The following FAAH2 variants were observed in gnomAD, a reference collection of about 807,000 sequenced individuals.
The protein encoded by FAAH2 is fatty-acid amide hydrolase 2.
A neutral mutation model predicts 36.9 loss-of-function variants in FAAH2; 60 were observed. The observed-to-expected ratio is 1.63, with a 90% CI of 1.32 to 2.02. The LOEUF (loss-of-function observed/expected upper bound fraction) is 2.02, where lower values mean the gene tolerates loss of function less well. FAAH2 is among the 30% of genes most tolerant of loss of function. The probability of loss-of-function intolerance (pLI) is 0.00; values close to 1 mark genes in which losing one functional copy is unlikely to be tolerated. For synonymous variants in FAAH2, 214 were observed against 143.8 expected, an observed-to-expected ratio of 1.49 and a Z score of -3.49; for missense variants, 689 against 397.5, an observed-to-expected ratio of 1.73 and a Z score of -6.23.
the FAAH2 span, among the ~76,000 whole-genome samples, chrX:57,278,153 C>T: frequency 2.1e-4 from 23 of 111,594 alleles, no homozygotes; most frequent in South Asian, 7.1e-3. Context: ...GGAGGCATCA[C>T]GCTACCTGAT....
the FAAH2 span, among the ~76,000 whole-genome samples, chrX:57,142,111 C>A: frequency 8.1e-5 from 9 of 111,667 alleles, no homozygotes; most frequent in Non-Finnish European, 1.5e-4. Flanking sequence ...TTTATTTCTG[C>A]TCTGATTTTT....
At chrX:57,458,121 T>A (rs1252514737) in intron 10 of FAAH2, among the ~76,000 whole-genome samples, 2 of 110,878 alleles carry the variant, frequency 1.8e-5, no homozygotes, top group African/African-American at 6.6e-5. Flanking sequence ...GAAACAGAAT[T>A]GAGAACCCAG....
chrX:57,227,780 C>T, the FAAH2 span, among the ~76,000 whole-genome samples: 7 of 111,560 alleles, frequency 6.3e-5, no homozygotes, highest in East Asian at 1.4e-3. Context: ...GGGGCAGGGC[C>T]GTGTCTGAGC....
At chrX:57,128,213 G>A in the FAAH2 span, among the ~76,000 whole-genome samples, 2 of 111,025 alleles carry the variant, frequency 1.8e-5, no homozygotes, top group Non-Finnish European at 3.8e-5. Flanking sequence ...CCTTCTTAAC[G>A]TTACCCGTGC....
the FAAH2 span, among the ~76,000 whole-genome samples, chrX:57,144,614 G>A: frequency 9.1e-6 from 1 of 109,294 alleles, no homozygotes; most frequent in Admixed American, 9.9e-5. Context: ...TTTGGTGCAC[G>A]TATCACCCGA....
chrX:57,279,208 G>A, the FAAH2 span, among the ~76,000 whole-genome samples: 5 of 112,310 alleles, frequency 4.5e-5, no homozygotes, highest in African/African-American at 1.6e-4. Context: ...CAACCAAAAT[G>A]TCATCAATGA....
intron 8 of FAAH2, among the ~76,000 whole-genome samples, chrX:57,445,138 C>T (rs940594681): frequency 9.0e-6 from 1 of 111,389 alleles, no homozygotes; most frequent in Non-Finnish European, 1.9e-5. Context: ...GAAAGACTTC[C>T]CGTGTATTCG....
At chrX:57,200,316 T>A in the FAAH2 span, among the ~76,000 whole-genome samples, 1 of 110,388 alleles carries the variant, frequency 9.1e-6, no homozygotes, top group South Asian at 3.9e-4. Context: ...ACTTTAACAC[T>A]GTTTGCATCA....
chrX:57,204,238 G>A, the FAAH2 span, among the ~76,000 whole-genome samples: 4 of 111,302 alleles, frequency 3.6e-5, no homozygotes, highest in African/African-American at 1.3e-4. Flanking sequence ...TTTGAGGGTG[G>A]TATCCCTCGA....
At chrX:57,180,244 G>T in the FAAH2 span, among the ~76,000 whole-genome samples, 2 of 111,497 alleles carry the variant, frequency 1.8e-5, no homozygotes, top group South Asian at 3.7e-4. Context: ...GCTAGCAGAA[G>T]ACAAGAATTA....
the FAAH2 span, among the ~76,000 whole-genome samples, chrX:57,267,415 C>T: frequency 7.1e-5 from 8 of 112,611 alleles, no homozygotes; most frequent in East Asian, 1.1e-3. Context: ...TGGGCAATCA[C>T]GCATGCTTGT....
intron 2 of FAAH2, among the ~76,000 whole-genome samples, chrX:57,304,120 T>C (rs2052453958): frequency 9.0e-6 from 1 of 111,557 alleles, no homozygotes; most frequent in South Asian, 3.7e-4. Flanking sequence ...GGCAGGAGAA[T>C]TGCTTGAGCC....
intron 8 of FAAH2, among the ~76,000 whole-genome samples, chrX:57,433,428 T>A: frequency 8.9e-6 from 1 of 111,905 alleles, no homozygotes; most frequent in Non-Finnish European, 1.9e-5. Flanking sequence ...TTCTAACCCA[T>A]ACTTTTTATG....
At chrX:57,290,198 CT>C (rs767292820) in intron 1 of FAAH2, 47,512 of 506,790 alleles carry the variant, frequency 0.094, 3 homozygotes, top group Non-Finnish European at 0.1. Context: ...CTAACCCCTG[CT>C]TTTTTTTTTT....
intron 5 of FAAH2, among the ~76,000 whole-genome samples, chrX:57,361,333 G>T (rs750107840): frequency 9.1e-6 from 1 of 110,288 alleles, no homozygotes; most frequent in Non-Finnish European, 1.9e-5. Context: ...TTAATTTAAG[G>T]TTTGGCATGT....
the FAAH2 span, among the ~76,000 whole-genome samples, chrX:57,278,862 C>G: frequency 8.9e-6 from 1 of 112,299 alleles, no homozygotes; most frequent in South Asian, 3.7e-4. Flanking sequence ...AAATGCTCAT[C>G]ATCACTGGTC....
At chrX:57,159,852 C>G in the FAAH2 span, among the ~76,000 whole-genome samples, 1 of 111,538 alleles carries the variant, frequency 9.0e-6, no homozygotes, top group Non-Finnish European at 1.9e-5. Context: ...CCTCATTGTT[C>G]TGGCCAGAAC....
At chrX:57,412,517 C>T (rs1461343512) in intron 7 of FAAH2, among the ~76,000 whole-genome samples, 1 of 111,652 alleles carries the variant, frequency 9.0e-6, no homozygotes, top group Admixed American at 9.6e-5. Flanking sequence ...ATGATGGTTT[C>T]CAGCTACATC....
At chrX:57,320,443 G>T (rs772940366) in intron 3 of FAAH2, among the ~76,000 whole-genome samples, 5 of 112,458 alleles carry the variant, frequency 4.4e-5, no homozygotes, top group Admixed American at 9.4e-5. Context: ...GGTCATTAGA[G>T]AAATGCAAAT....
Sources: allele counts gnomAD v4.1 joint callset (sites outside exome capture counted in the v4.1 genomes callset), GRCh38; gene constraint gnomAD v4.1.1; transcripts MANE v1.5; gene names NCBI Gene and HGNC (gene_info 2026-07-23, HGNC 2026-07-21).